The following SLC9B1 variants were observed in gnomAD, a reference collection of about 807,000 sequenced individuals.
SLC9B1 encodes the protein solute carrier family 9 member B1, also known as sodium/hydrogen exchanger 9B1.
A neutral mutation model predicts 51.7 loss-of-function variants in SLC9B1; 32 were observed. That is an observed-to-expected ratio of 0.62 (90% CI 0.47 to 0.83). The LOEUF is 0.83. Among genes scored for constraint, SLC9B1 ranks in the 40% least tolerant of loss-of-function variants. The pLI is 0.00. For missense variants in SLC9B1, 406 were observed against 613.2 expected (o/e 0.66, Z 3.57); for synonymous variants, 145 against 212.7 (o/e 0.68, Z 2.77).
Position 102,901,321 on chromosome 4 carries a change from A to T in SLC9B1, c.1344T>A (p.Gly448=), listed in dbSNP as rs1734782022. The T allele has an allele frequency of 6.2e-7, 1 of 1,611,814 alleles. No homozygotes were observed. The change falls in exon 12 of 12, where the codon GGT becomes GGA. Residue 448 remains glycine (G), a synonymous_variant. Coordinates refer to ENST00000296422, the MANE Select transcript of SLC9B1 (RefSeq NM_139173.4). The part of the protein sequence containing the change: ...MPKATVQAVL[G]PLALETARVS... ...CTCTTGCTGTTTCTAGAGCCAGAGG[A>T]CCTAACACAGCCTGCATTTAGGGGT...
At position 102,997,833 on chromosome 4, in the gene SLC9B1, T is replaced by C. The variant is rs574628044; in HGVS notation, c.-1-6121A>G. On this transcript the variant is annotated intron_variant, in intron 1 of 11. Coordinates refer to ENST00000296422, the MANE Select transcript of SLC9B1 (RefSeq NM_139173.4). ...TTTTGAAAGTGATTCTTATTAGATATAGGTTAGAGTTTATTTTCTTTAAGT... is the reference window on the plus strand; with the variant it reads ...TTTTGAAAGTGATTCTTATTAGATACAGGTTAGAGTTTATTTTCTTTAAGT... Among the ~76,000 whole-genome samples the C allele has an allele frequency of 2.9e-4, 44 of 152,268 alleles. 1 individual carries two copies. Among genetic ancestry groups the C allele is most frequent in the Admixed American group, 6.5e-4 (10 of 15,294 alleles).
At chr4:102,997,867 G>T (rs1740308689) in intron 1 of SLC9B1, among the ~76,000 whole-genome samples, 1 of 152,104 alleles carries the variant, frequency 6.6e-6, no homozygotes, top group Non-Finnish European at 1.5e-5. Context: ...GTACTTTAAA[G>T]ATGTTCCACT....
At chr4:102,932,079 A>G (rs1736485425) in intron 7 of SLC9B1, 45 bp downstream of exon 7, 2 of 1,587,840 alleles carry the variant, frequency 1.3e-6, no homozygotes, top group Admixed American at 3.4e-5. Flanking sequence ...GAAGTAACAA[A>G]AAAGGTCATG....
At chr4:102,922,572 G>C (rs543610726) in intron 7 of SLC9B1, among the ~76,000 whole-genome samples, 1 of 152,110 alleles carries the variant, frequency 6.6e-6, no homozygotes, top group Non-Finnish European at 1.5e-5. Context: ...AGAGCTGAAG[G>C]AGATACAGAC....
At chr4:102,927,992 C>T (rs553009716) in intron 7 of SLC9B1, among the ~76,000 whole-genome samples, 10 of 151,804 alleles carry the variant, frequency 6.6e-5, no homozygotes, top group East Asian at 1.9e-4. Context: ...AACCAAACAC[C>T]GCATGTTCTC....
At chr4:102,955,532 G>A (rs559623748) in intron 3 of SLC9B1, among the ~76,000 whole-genome samples, 2 of 152,182 alleles carry the variant, frequency 1.3e-5, no homozygotes, top group South Asian at 4.1e-4. Flanking sequence ...GGGTGGATTT[G>A]GTATGGAGTA....
At chr4:102,941,238 AACCATGC>A (rs1476561474) in intron 6 of SLC9B1, among the ~76,000 whole-genome samples, 8 of 152,190 alleles carry the variant, frequency 5.3e-5, no homozygotes, top group Admixed American at 5.2e-4. Flanking sequence ...AATATTTGCA[AACCATGC>A]ATTCGACAAA....
At chr4:102,945,353 T>A (rs1333736487) in intron 5 of SLC9B1, 33 bp from the exon 6 acceptor site, 1 of 1,492,728 alleles carries the variant, frequency 6.7e-7, no homozygotes, top group Non-Finnish European at 9.0e-7. Context: ...TTAGATACAT[T>A]TACAATGGCC....
intron 7 of SLC9B1, chr4:102,911,962 ATC>A (rs1440785458): frequency 5.3e-6 from 1 of 188,416 alleles, no homozygotes; most frequent in South Asian, 7.7e-5. Flanking sequence ...ATGAAACCCC[ATC>A]TCTACTAAAA....
chr4:102,985,853 G>T (rs115486069), intron 3 of SLC9B1, among the ~76,000 whole-genome samples: 3,756 of 152,068 alleles, frequency 0.025, 69 homozygotes, highest in Non-Finnish European at 0.035. Context: ...ATACTATATG[G>T]CTTTATAGGT....
At chr4:102,979,619 G>T (rs575729642) in intron 3 of SLC9B1, among the ~76,000 whole-genome samples, 1 of 152,248 alleles carries the variant, frequency 6.6e-6, no homozygotes, top group African/African-American at 2.4e-5. Flanking sequence ...GGAAGCACTG[G>T]CCCTCCACTA....
chr4:102,915,426 G>C (rs1735532273), intron 7 of SLC9B1, among the ~76,000 whole-genome samples: 1 of 151,774 alleles, frequency 6.6e-6, no homozygotes, highest in South Asian at 2.1e-4. Flanking sequence ...ACAAAGTCTT[G>C]CTCTGTTGCC....
chr4:102,947,229 C>T (rs1341508292), intron 4 of SLC9B1, among the ~76,000 whole-genome samples: 6 of 152,106 alleles, frequency 3.9e-5, no homozygotes, highest in Admixed American at 3.9e-4. Flanking sequence ...AAGTTGGAAA[C>T]AAATAGCCTA....
At chr4:102,960,022 A>G (rs1404683360) in intron 3 of SLC9B1, among the ~76,000 whole-genome samples, 8 of 151,994 alleles carry the variant, frequency 5.3e-5, no homozygotes, top group Non-Finnish European at 1.0e-4. Flanking sequence ...AAAACAAAAC[A>G]AAAAAACCAC....
rs530160453 is a variant in SLC9B1, at chr4:102,950,901, A to G, written c.212-1474T>C. ...TCCCAGCTACTTGGGAGGCTGAGGT[A>G]GGAGAATTGCTTAAACCCAGGAGGC... is the stretch of plus-strand genomic sequence containing the variant. On this transcript the variant is annotated intron_variant, in intron 3 of 11. Coordinates refer to ENST00000296422, the MANE Select transcript of SLC9B1 (RefSeq NM_139173.4). 2.6e-5 allele frequency among the ~76,000 whole-genome samples: 4 copies of G among 152,346 alleles called. No homozygotes were observed. The East Asian group carries it at 7.7e-4, about 29-fold the overall frequency.
chr4:102,888,221 A>C (rs903476929), intron 11 of SLC9B1: 1 of 152,224 alleles, frequency 6.6e-6, no homozygotes, highest in Non-Finnish European at 1.5e-5. Flanking sequence ...AGTGTTCAAA[A>C]TTGTGTTTAT....
At chr4:102,988,444 C>T (rs964283487) in intron 3 of SLC9B1, among the ~76,000 whole-genome samples, 2 of 152,050 alleles carry the variant, frequency 1.3e-5, no homozygotes, top group Non-Finnish European at 2.9e-5. Context: ...TGTTCTATTT[C>T]CTTTTATTAT....
At chr4:102,911,344 T>A in intron 8 of SLC9B1, 87 bp downstream of exon 8, 1 of 845,082 alleles carries the variant, frequency 1.2e-6, no homozygotes, top group Admixed American at 2.5e-5. Context: ...TAGAATTAAG[T>A]ATTAAATTTC....
rs113197475 is a variant in SLC9B1, at chr4:102,945,366, C to G, written c.526-46G>C. The G allele has an allele frequency of 1.8e-3, 2,712 of 1,474,342 alleles. 13 individuals are homozygous for G. The highest frequency in any genetic ancestry group is 0.014 in the Middle Eastern group (78 of 5,502). The allele number at this position is 1,474,342 out of a possible 1,614,324, so 91.3% of individuals were successfully genotyped here. A position where few individuals can be genotyped will look rare whatever the true frequency, so the allele number is the denominator to read the frequency against. ...ACTTAGATACATTTACAATGGCCAA[C>G]AAGAAAATTATTTTAACAAATGTCA... is the stretch of plus-strand genomic sequence containing the variant. On this transcript the variant is annotated intron_variant, in intron 5 of 11. Transcript: ENST00000296422.
Sources: gnomAD v4.1 joint callset for allele counts (sites outside exome capture counted in the v4.1 genomes callset) on GRCh38, gnomAD v4.1.1 for gene constraint, MANE v1.5 for transcripts, NCBI Gene and HGNC (gene_info 2026-07-23, HGNC 2026-07-21) for gene names.